The following TTC28 variants were observed in gnomAD, a reference collection of about 807,000 sequenced individuals.
The protein encoded by TTC28 is tetratricopeptide repeat domain 28.
A neutral mutation model predicts 198.0 loss-of-function variants in TTC28; 61 were observed. That is an observed-to-expected ratio of 0.31 (90% CI 0.25 to 0.38). TTC28 has a LOEUF of 0.38. Ranked by LOEUF, TTC28 falls within the 10% of genes least tolerant of loss-of-function variation. The probability of loss-of-function intolerance (pLI) is 1.00; values close to 1 mark genes in which losing one functional copy is unlikely to be tolerated. For missense variants in TTC28, 2,678 were observed against 3,164.0 expected, an observed-to-expected ratio of 0.85 and a Z score of 3.69; for synonymous variants, 1,171 against 1,297.8, an observed-to-expected ratio of 0.90 and a Z score of 2.10.
At chr22:28,100,254 T>C (rs1942104205) in intron 9 of TTC28, among the ~76,000 whole-genome samples, 1 of 152,188 alleles carries the variant, frequency 6.6e-6, no homozygotes, top group Admixed American at 6.5e-5. Context: ...GCTAAGAGAA[T>C]GTGTTCCTAA....
intron 2 of TTC28, among the ~76,000 whole-genome samples, chr22:28,373,614 A>C (rs2046368430): frequency 6.6e-6 from 1 of 152,208 alleles, no homozygotes. Flanking sequence ...TTTTATAAAC[A>C]AGCTTGTTTA....
intron 12 of TTC28, among the ~76,000 whole-genome samples, chr22:28,064,946 A>G (rs1262693741): frequency 6.6e-6 from 1 of 152,224 alleles, no homozygotes; most frequent in Non-Finnish European, 1.5e-5. Flanking sequence ...TTATTCAAAA[A>G]CTAAAAAATG....
chr22:27,987,709 CAA>C (rs561753372), intron 21 of TTC28, among the ~76,000 whole-genome samples: 1 of 144,634 alleles, frequency 6.9e-6, no homozygotes, highest in African/African-American at 2.5e-5. Flanking sequence ...ACCCTGTCTC[CAA>C]AAAAAAAAAG....
chr22:28,480,431 ACT>A (rs1601450185), intron 2 of TTC28, among the ~76,000 whole-genome samples: 2 of 152,278 alleles, frequency 1.3e-5, no homozygotes, highest in East Asian at 3.9e-4. Flanking sequence ...AGGAAAATAA[ACT>A]CAGTAGGAAT....
At chr22:28,501,068 G>C (rs2048530991) in intron 2 of TTC28, among the ~76,000 whole-genome samples, 1 of 152,082 alleles carries the variant, frequency 6.6e-6, no homozygotes, top group Admixed American at 6.5e-5. Context: ...TCTAAAGCTT[G>C]AGAAAAACTC....
At chr22:28,451,923 C>T (rs2047783808) in intron 2 of TTC28, among the ~76,000 whole-genome samples, 1 of 152,098 alleles carries the variant, frequency 6.6e-6, no homozygotes, top group Admixed American at 6.5e-5. Context: ...TCAGTGGTCA[C>T]ATATTTGGGC....
intron 5 of TTC28, among the ~76,000 whole-genome samples, chr22:28,278,886 T>C (rs1008642256): frequency 6.6e-6 from 1 of 152,180 alleles, no homozygotes; most frequent in Non-Finnish European, 1.5e-5. Flanking sequence ...CGTTCTAGGA[T>C]ATGCGGGGTA....
chr22:28,421,858 CTGGTAGGCGGAGGTTGCAG>C, intron 2 of TTC28, among the ~76,000 whole-genome samples: 1 of 150,560 alleles, frequency 6.6e-6, no homozygotes, highest in South Asian at 2.1e-4. Flanking sequence ...TCACCTGAAC[CTGGTAGGCGGAGGTTGCAG>C]TGAGCAGAGA....
At chr22:28,624,391 C>T (rs1601634657) in intron 2 of TTC28, among the ~76,000 whole-genome samples, 1 of 151,188 alleles carries the variant, frequency 6.6e-6, no homozygotes, top group East Asian at 1.9e-4. Flanking sequence ...AAAAAAAAAT[C>T]AAGAATGATA....
chr22:28,373,210 G>T (rs556193902), intron 2 of TTC28, among the ~76,000 whole-genome samples: 4 of 151,342 alleles, frequency 2.6e-5, no homozygotes, highest in African/African-American at 7.3e-5. Flanking sequence ...AGATAGAGAG[G>T]AGATAAAAAT....
intron 2 of TTC28, among the ~76,000 whole-genome samples, chr22:28,425,739 T>C (rs1018449067): frequency 3.3e-5 from 5 of 152,188 alleles, no homozygotes; most frequent in African/African-American, 1.2e-4. Context: ...GGGCAAGGCC[T>C]TGAAGAATGA....
At chr22:28,459,225 G>A (rs780054958) in intron 2 of TTC28, among the ~76,000 whole-genome samples, 82 of 151,994 alleles carry the variant, frequency 5.4e-4, no homozygotes, top group South Asian at 2.1e-4. Context: ...TCAGGAGTTC[G>A]AGACCAGCCT....
intron 5 of TTC28, among the ~76,000 whole-genome samples, chr22:28,228,878 G>A (rs748242933): frequency 2.9e-4 from 44 of 151,872 alleles, no homozygotes; most frequent in Non-Finnish European, 5.6e-4. Context: ...ACACCCCGGC[G>A]AGGCGTGGTG....
At chr22:28,315,258 G>C (rs2045334515) in intron 2 of TTC28, among the ~76,000 whole-genome samples, 2 of 152,168 alleles carry the variant, frequency 1.3e-5, no homozygotes, top group African/African-American at 4.8e-5. Context: ...ATGCCATTTG[G>C]AAGTTGCTTT....
intron 2 of TTC28, among the ~76,000 whole-genome samples, chr22:28,611,642 A>G (rs772704247): frequency 9.9e-5 from 14 of 141,914 alleles, no homozygotes; most frequent in African/African-American, 2.8e-4. Context: ...ATATCTCCCA[A>G]TGCTATCCCT....
chr22:28,570,065 G>A (rs1211414485), intron 2 of TTC28, among the ~76,000 whole-genome samples: 3 of 152,166 alleles, frequency 2.0e-5, no homozygotes, highest in Non-Finnish European at 2.9e-5. Flanking sequence ...AGACGTTGAC[G>A]AGGCTGCAGA....
At chr22:28,611,507 T>TTTAAA (rs760803835) in intron 2 of TTC28, among the ~76,000 whole-genome samples, 1 of 96,800 alleles carries the variant, frequency 1.0e-5, no homozygotes, top group African/African-American at 4.0e-5. Flanking sequence ...TTTTTTTAAT[T>TTTAAA]TTTTTTTTTT....
intron 5 of TTC28, among the ~76,000 whole-genome samples, chr22:28,275,742 CA>C (rs373466726): frequency 1.4e-4 from 20 of 140,276 alleles, no homozygotes; most frequent in East Asian, 4.1e-4. Flanking sequence ...AAAGTTTAAA[CA>C]AAAAAAAAAG....
At chr22:28,560,991 A>C (rs1420680053) in intron 2 of TTC28, among the ~76,000 whole-genome samples, 1 of 151,136 alleles carries the variant, frequency 6.6e-6, no homozygotes, top group African/African-American at 2.4e-5. Flanking sequence ...TCCTGACCTC[A>C]AGTGATCTGC....
Sources: gnomAD v4.1 joint callset for allele counts (sites outside exome capture counted in the v4.1 genomes callset) on GRCh38, gnomAD v4.1.1 for gene constraint, MANE v1.5 for transcripts, NCBI Gene and HGNC (gene_info 2026-07-23, HGNC 2026-07-21) for gene names.